The following MYOF variants were observed in gnomAD, a reference collection of about 807,000 sequenced individuals.
The protein encoded by MYOF is myoferlin.
Under a neutral mutation model 284.2 loss-of-function variants are expected in MYOF, and 244 were observed. That is an observed-to-expected ratio of 0.86 (90% CI 0.77 to 0.95). The LOEUF is 0.95. Among genes scored for constraint, MYOF ranks in the 40% least tolerant of loss-of-function variants. MYOF has a pLI of 0.00. For missense variants in MYOF, 2,496 were observed against 2,560.6 expected, an observed-to-expected ratio of 0.97 and a Z score of 0.54; for synonymous variants, 904 against 919.7, an observed-to-expected ratio of 0.98 and a Z score of 0.31.
chr10:93,437,647 C>G (rs554877203), intron 3 of MYOF, among the ~76,000 whole-genome samples: 1 of 152,220 alleles, frequency 6.6e-6, no homozygotes, highest in Admixed American at 6.5e-5. Context: ...GGGACAAACA[C>G]GATTCCAGGC....
At chr10:93,356,640 C>T (rs998609005) in intron 30 of MYOF, 35 bp downstream of exon 30, 2 of 1,591,730 alleles carry the variant, frequency 1.3e-6, no homozygotes, top group Non-Finnish European at 1.7e-6. Flanking sequence ...TTCTCTACAC[C>T]AATATGATCT....
chr10:93,324,398 G>C (rs897032461), intron 46 of MYOF: 50 of 152,104 alleles, frequency 3.3e-4, no homozygotes, highest in African/African-American at 1.2e-3. Flanking sequence ...AATCTCTAGG[G>C]CTCAGGGCTC....
intron 1 of MYOF, among the ~76,000 whole-genome samples, chr10:93,464,211 T>C (rs2056952043): frequency 6.6e-6 from 1 of 152,242 alleles, no homozygotes; most frequent in African/African-American, 2.4e-5. Flanking sequence ...CTGAGTTTTC[T>C]AAGCTGTGGA....
intron 40 of MYOF, chr10:93,337,561 C>A: frequency 2.3e-6 from 1 of 431,092 alleles, no homozygotes; most frequent in Non-Finnish European, 4.1e-6. Context: ...CAGCCCATTC[C>A]CAACCATCTG....
intron 5 of MYOF, among the ~76,000 whole-genome samples, chr10:93,423,787 C>T (rs1182159422): frequency 4.7e-5 from 7 of 149,428 alleles, no homozygotes; most frequent in Non-Finnish European, 8.9e-5. Flanking sequence ...GAGCCGAGAT[C>T]GTGCCACTGC....
chr10:93,322,646 C>T (rs1842891577), intron 48 of MYOF, among the ~76,000 whole-genome samples: 1 of 152,138 alleles, frequency 6.6e-6, no homozygotes. Flanking sequence ...CGAACATTTC[C>T]TCTTTTCCAT....
chr10:93,417,105 C>T (rs1848164533), intron 5 of MYOF, among the ~76,000 whole-genome samples: 1 of 152,194 alleles, frequency 6.6e-6, no homozygotes, highest in African/African-American at 2.4e-5. Flanking sequence ...CCTCACTGTC[C>T]ATCTCCGGCT....
At chr10:93,372,789 G>C (rs1564659065) in intron 24 of MYOF, 141 bp downstream of exon 24, 15 of 988,858 alleles carry the variant, frequency 1.5e-5, no homozygotes, top group Non-Finnish European at 2.2e-5. Flanking sequence ...TATTGCCCCA[G>C]AGAGAGGGAC....
At chr10:93,406,259 AG>A (rs1436588990) in intron 7 of MYOF, among the ~76,000 whole-genome samples, 9 of 106,246 alleles carry the variant, frequency 8.5e-5, no homozygotes, top group Admixed American at 6.1e-4. Flanking sequence ...ACGCCTGGCC[AG>A]GCTAGAAATT....
chr10:93,435,435 T>A (rs1347619538), intron 3 of MYOF, among the ~76,000 whole-genome samples: 1 of 152,218 alleles, frequency 6.6e-6, no homozygotes, highest in Non-Finnish European at 1.5e-5. Flanking sequence ...TTGCCAGTTG[T>A]TCCCTGGAGG....
chr10:93,365,107 G>T (rs1169006520), intron 26 of MYOF, among the ~76,000 whole-genome samples: 1 of 152,044 alleles, frequency 6.6e-6, no homozygotes. Context: ...AGAGCAAGCT[G>T]CCTGAATTGA....
chr10:93,332,380 G>A (rs966216490), intron 43 of MYOF, among the ~76,000 whole-genome samples: 2 of 151,846 alleles, frequency 1.3e-5, no homozygotes, highest in African/African-American at 4.8e-5. Flanking sequence ...ACACCACCAT[G>A]CCTAGCTAAT....
intron 3 of MYOF, among the ~76,000 whole-genome samples, chr10:93,450,800 A>T (rs2056568002): frequency 6.6e-6 from 1 of 152,190 alleles, no homozygotes; most frequent in Non-Finnish European, 1.5e-5. Flanking sequence ...TAACATTACT[A>T]AAAACTGAAA....
intron 2 of MYOF, among the ~76,000 whole-genome samples, chr10:93,456,285 C>T (rs1358157361): frequency 6.6e-6 from 1 of 152,122 alleles, no homozygotes. Flanking sequence ...ATATATTCCT[C>T]CAATAAACAC....
chr10:93,386,864 T>C (rs1846394955), intron 19 of MYOF, among the ~76,000 whole-genome samples: 1 of 152,168 alleles, frequency 6.6e-6, no homozygotes, highest in African/African-American at 2.4e-5. Context: ...AGGCCCTGGC[T>C]CGCTGGAGAA....
At chr10:93,481,592 A>G (rs2057382513) in intron 1 of MYOF, among the ~76,000 whole-genome samples, 1 of 152,196 alleles carries the variant, frequency 6.6e-6, no homozygotes, top group Non-Finnish European at 1.5e-5. Context: ...AGATATAAAA[A>G]CAATTACAAA....
At chr10:93,419,010 T>A (rs1466509149) in intron 5 of MYOF, among the ~76,000 whole-genome samples, 3 of 152,154 alleles carry the variant, frequency 2.0e-5, no homozygotes, top group Non-Finnish European at 4.4e-5. Context: ...ATGGAGTACC[T>A]TTCATGGAGC....
intron 39 of MYOF, 31 bp downstream of exon 39, chr10:93,340,122 T>G (rs763354421): frequency 1.2e-6 from 2 of 1,612,746 alleles, no homozygotes; most frequent in Admixed American, 3.3e-5. Context: ...TACATGAATC[T>G]TAAATGTAGC....
chr10:93,480,833 T>C (rs1269585844), intron 1 of MYOF, among the ~76,000 whole-genome samples: 2 of 152,096 alleles, frequency 1.3e-5, no homozygotes. Context: ...GAGAGAGGTT[T>C]AAGAAGAGAA....
Sources: gnomAD v4.1 joint callset for allele counts (sites outside exome capture counted in the v4.1 genomes callset) on GRCh38, gnomAD v4.1.1 for gene constraint, MANE v1.5 for transcripts, NCBI Gene and HGNC (gene_info 2026-07-23, HGNC 2026-07-21) for gene names.